NUDT3: variants seen among roughly 807,000 people sequenced by gnomAD.
The protein encoded by NUDT3 is nudix hydrolase 3.
NUDT3 carries 9 observed loss-of-function variants against 23.6 expected under a neutral mutation model. The observed-to-expected ratio is 0.38, with a 90% CI of 0.23 to 0.66. The LOEUF (loss-of-function observed/expected upper bound fraction) is 0.66. Ranked by LOEUF, NUDT3 falls within the 30% of genes least tolerant of loss-of-function variation. NUDT3 has a pLI of 0.52. For missense variants in NUDT3, 172 were observed against 218.5 expected, an observed-to-expected ratio of 0.79 and a Z score of 1.34; for synonymous variants, 86 against 82.6, an observed-to-expected ratio of 1.04 and a Z score of -0.22.
At chr6:34,390,215 A>C (rs574386421) in intron 1 of NUDT3, among the ~76,000 whole-genome samples, 55 of 151,480 alleles carry the variant, frequency 3.6e-4, no homozygotes, top group African/African-American at 1.3e-3. Flanking sequence ...AATCGCCTGA[A>C]CCTGGGAGGC....
At chr6:34,367,251 G>A (rs573823855) in intron 1 of NUDT3, among the ~76,000 whole-genome samples, 52 of 152,174 alleles carry the variant, frequency 3.4e-4, no homozygotes, top group East Asian at 2.6e-3. Context: ...GGAGGCTGAG[G>A]TGAGTGGATC....
intron 2 of NUDT3, among the ~76,000 whole-genome samples, chr6:34,297,890 C>T (rs1286849760): frequency 1.1e-4 from 17 of 148,986 alleles, no homozygotes; most frequent in African/African-American, 1.7e-4. Context: ...CCACTGCACC[C>T]GGCCCAAGAA....
chr6:34,358,040 T>C (rs1764589384), intron 1 of NUDT3, among the ~76,000 whole-genome samples: 1 of 152,232 alleles, frequency 6.6e-6, no homozygotes, highest in Non-Finnish European at 1.5e-5. Context: ...CCTATATGCA[T>C]TGAAGTCTAC....
chr6:34,312,164 G>A (rs1763783245), intron 2 of NUDT3, among the ~76,000 whole-genome samples: 1 of 152,178 alleles, frequency 6.6e-6, no homozygotes, highest in South Asian at 2.1e-4. Flanking sequence ...TACTTTGGGA[G>A]GCTGAGGTGG....
At chr6:34,295,496 G>C in intron 3 of NUDT3, 145 bp downstream of exon 3, 1 of 875,454 alleles carries the variant, frequency 1.1e-6, no homozygotes, top group Non-Finnish European at 1.7e-6. Context: ...ACTCCAGCCT[G>C]GGCGAGAGTG....
At chr6:34,374,465 T>C (rs141038045) in intron 1 of NUDT3, among the ~76,000 whole-genome samples, 31 of 152,306 alleles carry the variant, frequency 2.0e-4, no homozygotes, top group African/African-American at 7.0e-4. Context: ...TTTCCTTTCT[T>C]TCCCAGTTCT....
rs532113039 is a variant in NUDT3 at position 34,312,067 on chromosome 6, G to A, written c.211-16382C>T. Among the ~76,000 whole-genome samples, 19 of 152,238 alleles carry A rather than the reference G, an allele frequency of 1.2e-4. No individual in the cohort carries two copies. In the South Asian group the frequency reaches 3.7e-3, roughly 30 times the overall value. On this transcript the variant is annotated intron_variant, in intron 2 of 4. Transcript: ENST00000607016. ...GGCAGAATACCTGAAAGAAAAAATTGATAAGATGAACTTCATTAAAATAGA... is the reference window on the plus strand; with the variant it reads ...GGCAGAATACCTGAAAGAAAAAATTAATAAGATGAACTTCATTAAAATAGA...
chr6:34,304,188 G>A (rs1763640735), intron 2 of NUDT3, among the ~76,000 whole-genome samples: 1 of 151,308 alleles, frequency 6.6e-6, no homozygotes, highest in African/African-American at 2.4e-5. Context: ...GGGATGCAGA[G>A]GTTGCAGTGA....
chr6:34,282,314 G>A lies in NUDT3; in HGVS notation c.*6439C>T, dbSNP rs1471135881. 6.6e-6 allele frequency: 1 copy of A among 152,164 alleles called. No homozygotes were observed. Among genetic ancestry groups the A allele is most frequent in the East Asian group, 1.9e-4 (1 of 5,202 alleles). The allele number at this position is 152,164 out of a possible 1,614,324, so 9.4% of individuals were successfully genotyped here. A position where few individuals can be genotyped will look rare whatever the true frequency, so the allele number is the denominator to read the frequency against. On this transcript the variant is annotated 3_prime_UTR_variant, in exon 5 of 5. Transcript: ENST00000607016. ...AGCACCAAAGTGCTCAGAAAGACAG[G>A]CTCAGATCAGGACGACTTCTTAAAG...
chr6:34,297,757 ATAAT>A lies in NUDT3; in HGVS notation c.211-2076_211-2073del, dbSNP rs1436405204. 3.9e-3 allele frequency among the ~76,000 whole-genome samples: 262 copies of A among 68,024 alleles called. 5 individuals are homozygous for A. Among genetic ancestry groups the A allele is most frequent in the African/African-American group, 9.3e-3 (144 of 15,470 alleles). The allele number at this position is 68,024 out of a possible 152,430, so 44.6% of individuals were successfully genotyped here. On this transcript the variant is annotated intron_variant, in intron 2 of 4. Coordinates refer to ENST00000607016, the MANE Select transcript of NUDT3 (RefSeq NM_006703.4). ...TATATATATATATATATATATATAT[ATAAT>A]TTTTTTTTTTTTTTTAGTAGAGACG...
At chr6:34,348,227 A>G (rs1764410163) in intron 1 of NUDT3, among the ~76,000 whole-genome samples, 1 of 151,770 alleles carries the variant, frequency 6.6e-6, no homozygotes, top group South Asian at 2.1e-4. Flanking sequence ...AGGAGGTTGC[A>G]GTGACCCAAG....
chr6:34,303,601 T>C (rs950866652), intron 2 of NUDT3, among the ~76,000 whole-genome samples: 50 of 152,214 alleles, frequency 3.3e-4, no homozygotes, highest in Admixed American at 2.2e-3. Flanking sequence ...TTAGATACTC[T>C]ATCAGGTTAA....
chr6:34,345,963 T>G (rs1764362530), intron 1 of NUDT3, among the ~76,000 whole-genome samples: 1 of 151,542 alleles, frequency 6.6e-6, no homozygotes, highest in Non-Finnish European at 1.5e-5. Flanking sequence ...GAGATGGGGT[T>G]TCTCCATGTT....
chr6:34,303,793 C>G (rs1763634943), intron 2 of NUDT3, among the ~76,000 whole-genome samples: 1 of 152,194 alleles, frequency 6.6e-6, no homozygotes, highest in Non-Finnish European at 1.5e-5. Context: ...CAAATCCATC[C>G]TGCCATCAGT....
intron 1 of NUDT3, among the ~76,000 whole-genome samples, chr6:34,387,799 T>A (rs542930187): frequency 1.9e-3 from 284 of 151,790 alleles, no homozygotes; most frequent in African/African-American, 6.7e-3. Flanking sequence ...TTAAAAAATG[T>A]AAAAGTTTAT....
intron 1 of NUDT3, among the ~76,000 whole-genome samples, chr6:34,363,836 G>A (rs1355704687): frequency 4.0e-5 from 6 of 151,454 alleles, no homozygotes; most frequent in East Asian, 1.9e-4. Flanking sequence ...GCAGTAGCGC[G>A]ATCTCAGCTC....
intron 1 of NUDT3, among the ~76,000 whole-genome samples, chr6:34,366,473 A>AAGGAAGGGAGGGAGGGAGGG (rs1222360899): frequency 6.7e-5 from 2 of 29,782 alleles, no homozygotes; most frequent in African/African-American, 2.9e-4. Flanking sequence ...AGAGAGAGGG[A>AAGGAAGGGAGGGAGGGAGGG]AGGGAGGGAG....
chr6:34,392,415 G>A lies in NUDT3; in HGVS notation c.-53C>T, dbSNP rs1380465219. ...CGGGTCGCAGGAGTCGAGGGGTGGGGAGCCCGCTCTGGACGGCCGCGTGCG... is the reference window on the plus strand; with the variant it reads ...CGGGTCGCAGGAGTCGAGGGGTGGGAAGCCCGCTCTGGACGGCCGCGTGCG... On this transcript the variant is annotated 5_prime_UTR_variant, in exon 1 of 5. Coordinates refer to ENST00000607016, the MANE Select transcript of NUDT3 (RefSeq NM_006703.4). 4.8e-6 allele frequency: 7 copies of A among 1,447,318 alleles called. No homozygotes were observed. Among genetic ancestry groups the A allele is most frequent in the African/African-American group, 2.9e-5 (2 of 68,680 alleles). 89.7% of individuals were successfully genotyped at this position (1,447,318 alleles called of 1,614,324 possible). A position where few individuals can be genotyped will look rare whatever the true frequency, so the allele number is the denominator to read the frequency against.
intron 2 of NUDT3, among the ~76,000 whole-genome samples, chr6:34,333,130 A>G (rs1171987103): frequency 6.6e-6 from 1 of 152,182 alleles, no homozygotes; most frequent in African/African-American, 2.4e-5. Flanking sequence ...TAACCCTGTA[A>G]GGGGTCACTC....
Sources: gnomAD v4.1 joint callset for allele counts (sites outside exome capture counted in the v4.1 genomes callset) on GRCh38, gnomAD v4.1.1 for gene constraint, MANE v1.5 for transcripts, NCBI Gene and HGNC (gene_info 2026-07-23, HGNC 2026-07-21) for gene names.